The following TRPM3 variants were observed in gnomAD, a reference collection of about 807,000 sequenced individuals.
TRPM3 encodes long transient receptor potential channel 3.
In TRPM3, 77 loss-of-function variants were observed where a neutral mutation model predicts 181.2. The ratio of observed to expected loss-of-function variants is 0.42; its 90% CI spans 0.35 to 0.51. TRPM3 has a LOEUF of 0.51. TRPM3 is among the 20% of genes least tolerant of loss of function. The pLI is 0.01. For missense variants in TRPM3, 1,759 were observed against 2,196.7 expected (o/e 0.80, Z 3.98); for synonymous variants, 745 against 796.4 (o/e 0.94, Z 1.09).
chr9:71,241,895 G>C (rs2081717443), intron 1 of TRPM3, among the ~76,000 whole-genome samples: 2 of 152,108 alleles, frequency 1.3e-5, no homozygotes, highest in South Asian at 4.1e-4. Context: ...ATTATTCCTA[G>C]GCAAAAATAC....
chr9:71,061,764 A>C lies in TRPM3; in HGVS notation c.177+59414T>G, dbSNP rs185810617. 3.2e-4 allele frequency among the ~76,000 whole-genome samples: 48 copies of C among 152,230 alleles called. No homozygotes were observed. In the East Asian group the frequency reaches 8.9e-3, roughly 28 times the overall value. On this transcript the variant is annotated intron_variant, in intron 1 of 25. Coordinates refer to ENST00000677713, the MANE Select transcript of TRPM3 (RefSeq NM_001366145.2). ...GGAGATCTCTTGGAAGCTTGTGCTT[A>C]GTATCCTTGAACTTCACCCCTTGCA... is the stretch of plus-strand genomic sequence containing the variant.
intron 1 of TRPM3, among the ~76,000 whole-genome samples, chr9:71,071,877 C>A (rs2133560723): frequency 6.6e-6 from 1 of 152,300 alleles, no homozygotes; most frequent in African/African-American, 2.4e-5. Flanking sequence ...TAGAGGGAAT[C>A]AATACACTTC....
intron 1 of TRPM3, among the ~76,000 whole-genome samples, chr9:71,048,916 G>A (rs892193753): frequency 3.9e-5 from 6 of 152,206 alleles, no homozygotes; most frequent in African/African-American, 1.2e-4. Context: ...GATTTCTCAT[G>A]AGGAGCCTGA....
At chr9:71,329,059 G>T (rs577438786) in intron 1 of TRPM3, among the ~76,000 whole-genome samples, 1 of 152,298 alleles carries the variant, frequency 6.6e-6, no homozygotes, top group Non-Finnish European at 1.5e-5. Context: ...TAAAAGATAG[G>T]TGACAATAGA....
At position 71,254,660 on chromosome 9, in the gene TRPM3, C is replaced by T. The variant is rs1185702538; in HGVS notation, c.183+191993G>A. Among the ~76,000 whole-genome samples, 3 of 151,904 alleles carry T rather than the reference C, an allele frequency of 2.0e-5. No homozygotes were observed. In the East Asian group the frequency reaches 5.8e-4, roughly 29 times the overall value. Reference sequence around the variant, plus strand: ...AAAAAGAAATCACTTCAGTTTTATCCAAAATATTCTGATCTACCAAAACAG... The same window carrying T: ...AAAAAGAAATCACTTCAGTTTTATCTAAAATATTCTGATCTACCAAAACAG... On this transcript the variant is annotated intron_variant, in intron 1 of 24. Transcript: ENST00000357533.
At chr9:71,246,440 C>G (rs73647979) in intron 1 of TRPM3, among the ~76,000 whole-genome samples, 2,847 of 151,796 alleles carry the variant, frequency 0.019, 96 homozygotes, top group African/African-American at 0.066. Flanking sequence ...TAAGGTGTGT[C>G]CCCTTCACAC....
intron 1 of TRPM3, among the ~76,000 whole-genome samples, chr9:71,387,557 A>T (rs529817717): frequency 5.1e-4 from 78 of 152,320 alleles, no homozygotes; most frequent in African/African-American, 1.8e-3. Context: ...TTAATGCCAC[A>T]ATTTCTGTAA....
chr9:71,154,265 T>C (rs1039040808), intron 1 of TRPM3, among the ~76,000 whole-genome samples: 1 of 152,160 alleles, frequency 6.6e-6, no homozygotes, highest in African/African-American at 2.4e-5. Flanking sequence ...AGCATGTAGT[T>C]GTAAGCTCTA....
chr9:70,660,129 T>G (rs2060914222), intron 9 of TRPM3, among the ~76,000 whole-genome samples: 1 of 152,194 alleles, frequency 6.6e-6, no homozygotes, highest in Non-Finnish European at 1.5e-5. Flanking sequence ...GAGACTCATT[T>G]TCTTCTAAAA....
intron 1 of TRPM3, among the ~76,000 whole-genome samples, chr9:71,413,104 T>A (rs901670112): frequency 6.6e-5 from 10 of 151,716 alleles, no homozygotes; most frequent in African/African-American, 2.4e-4. Flanking sequence ...TTCGTGGGGT[T>A]GGGGGAGGGG....
At chr9:70,674,222 G>A (rs1161477417) in intron 9 of TRPM3, among the ~76,000 whole-genome samples, 1 of 152,122 alleles carries the variant, frequency 6.6e-6, no homozygotes, top group Non-Finnish European at 1.5e-5. Flanking sequence ...TGAATCATGA[G>A]GGGTTAAGCA....
At chr9:71,196,073 G>C (rs2078332425) in intron 1 of TRPM3, among the ~76,000 whole-genome samples, 1 of 151,722 alleles carries the variant, frequency 6.6e-6, no homozygotes, top group African/African-American at 2.4e-5. Context: ...TCTGTGACAT[G>C]AGTTTACTCA....
intron 1 of TRPM3, among the ~76,000 whole-genome samples, chr9:70,935,805 G>A (rs1017448009): frequency 1.3e-5 from 2 of 152,082 alleles, no homozygotes; most frequent in African/African-American, 2.4e-5. Flanking sequence ...TCCCCCAAGC[G>A]CAATCCGTAC....
At chr9:70,971,568 A>T (rs1286655002) in intron 1 of TRPM3, among the ~76,000 whole-genome samples, 1 of 152,178 alleles carries the variant, frequency 6.6e-6, no homozygotes, top group Admixed American at 6.5e-5. Flanking sequence ...TGTGAAGAAG[A>T]AAGTGAGAAG....
At chr9:70,590,296 C>T (rs1157630188) in intron 22 of TRPM3, among the ~76,000 whole-genome samples, 3 of 152,174 alleles carry the variant, frequency 2.0e-5, no homozygotes, top group Non-Finnish European at 4.4e-5. Context: ...AAACTCCATA[C>T]AAAAGGAGTG....
At chr9:71,329,691 C>T (rs919175483) in intron 1 of TRPM3, among the ~76,000 whole-genome samples, 18 of 152,124 alleles carry the variant, frequency 1.2e-4, no homozygotes, top group African/African-American at 4.1e-4. Flanking sequence ...TTTATTATCT[C>T]TAAATTCTAG....
intron 1 of TRPM3, among the ~76,000 whole-genome samples, chr9:70,950,597 T>C (rs1305931001): frequency 6.6e-6 from 1 of 152,170 alleles, no homozygotes; most frequent in Non-Finnish European, 1.5e-5. Flanking sequence ...GTGGAAGCAC[T>C]GAGAATGGCC....
At chr9:70,861,767 A>T (rs553287230) in intron 3 of TRPM3, among the ~76,000 whole-genome samples, 1 of 152,276 alleles carries the variant, frequency 6.6e-6, no homozygotes, top group Admixed American at 6.5e-5. Flanking sequence ...TACTTAACTC[A>T]TTCTTTGTTT....
intron 1 of TRPM3, among the ~76,000 whole-genome samples, chr9:71,015,627 G>A (rs913936255): frequency 6.6e-6 from 1 of 152,082 alleles, no homozygotes; most frequent in Admixed American, 6.6e-5. Context: ...TTTAAAGAGG[G>A]TTTCCCTTAT....
Sources: gnomAD v4.1 joint callset for allele counts (sites outside exome capture counted in the v4.1 genomes callset) on GRCh38, gnomAD v4.1.1 for gene constraint, MANE v1.5 for transcripts, NCBI Gene and HGNC (gene_info 2026-07-23, HGNC 2026-07-21) for gene names.